The following GLI3 variants were observed in gnomAD, a reference collection of about 807,000 sequenced individuals.
GLI3 encodes transcription activator GLI3.
GLI3 carries 20 observed loss-of-function variants against 100.8 expected under a neutral mutation model. The ratio of observed to expected loss-of-function variants is 0.20; its 90% CI spans 0.14 to 0.29. The LOEUF (loss-of-function observed/expected upper bound fraction) is 0.29, where lower values mean the gene tolerates loss of function less well. GLI3 is among the 10% of genes least tolerant of loss of function. GLI3 has a pLI of 1.00. For missense variants in GLI3, 2,040 were observed against 2,128.5 expected (o/e 0.96, Z 0.82); for synonymous variants, 938 against 860.5 (o/e 1.09, Z -1.58).
intron 10 of GLI3, among the ~76,000 whole-genome samples, chr7:41,984,435 C>T (rs1787757265): frequency 6.6e-6 from 1 of 152,164 alleles, no homozygotes; most frequent in African/African-American, 2.4e-5. Context: ...CTCAGAAACA[C>T]AGTTCTCTGG....
chr7:42,020,226 G>A (rs1482487195), intron 10 of GLI3, among the ~76,000 whole-genome samples: 1 of 152,230 alleles, frequency 6.6e-6, no homozygotes, highest in Non-Finnish European at 1.5e-5. Flanking sequence ...AGTCAGCCAA[G>A]TTTCTAATTC....
chr7:42,047,850 T>C (rs1419655299), intron 5 of GLI3, among the ~76,000 whole-genome samples: 5 of 152,222 alleles, frequency 3.3e-5, no homozygotes, highest in Non-Finnish European at 2.9e-5. Flanking sequence ...TGGACCATGA[T>C]GTTTTCTAAG....
At chr7:42,203,406 A>C (rs1788085122) in intron 2 of GLI3, among the ~76,000 whole-genome samples, 1 of 152,060 alleles carries the variant, frequency 6.6e-6, no homozygotes, top group African/African-American at 2.4e-5. Flanking sequence ...CAAGTGCCCC[A>C]TCCTCTGGTT....
chr7:42,253,083 C>G (rs148797642), intron 1 of GLI3, among the ~76,000 whole-genome samples: 254 of 152,128 alleles, frequency 1.7e-3, no homozygotes, highest in African/African-American at 5.7e-3. Context: ...TAGCAGAAAC[C>G]ACGTGCAATT....
At chr7:42,087,150 G>A (rs1011778977) in intron 3 of GLI3, among the ~76,000 whole-genome samples, 3 of 152,194 alleles carry the variant, frequency 2.0e-5, no homozygotes, top group Non-Finnish European at 4.4e-5. Context: ...CTGAGGCCAC[G>A]CAATGACAGT....
At chr7:42,042,129 T>C (rs1241594768) in intron 6 of GLI3, among the ~76,000 whole-genome samples, 1 of 151,836 alleles carries the variant, frequency 6.6e-6, no homozygotes, top group Non-Finnish European at 1.5e-5. Context: ...TCTTCTGCCT[T>C]AGCCTCCCGA....
Position 42,261,360 on chromosome 7 carries a change from C to T in GLI3, c.-43+2634G>A, listed in dbSNP as rs551961099. On this transcript the variant is annotated intron_variant, in intron 1 of 2. Coordinates refer to the GLI3 transcript ENST00000678978. ...ACCCCCATAGATCAAATACCTCTCA[C>T]TAGGCCTCACCTCCAGCATGGGGAT... is the stretch of plus-strand genomic sequence containing the variant. 2.6e-5 allele frequency among the ~76,000 whole-genome samples: 4 copies of T among 152,256 alleles called. No individual in the cohort carries two copies. In the South Asian group the frequency reaches 6.2e-4, roughly 24 times the overall value.
In GLI3 at chr7:42,182,660, A is replaced by ATATATATATATATATACATGTGTGTGTG. The variant is rs1554337034; in HGVS notation, c.125-34193_125-34192insCACACACACATGTATATATATATATATA. 2.2e-3 allele frequency among the ~76,000 whole-genome samples: 132 copies of ATATATATATATATATACATGTGTGTGTG among 59,092 alleles called. 4 individuals are homozygous for ATATATATATATATATACATGTGTGTGTG. Among genetic ancestry groups the ATATATATATATATATACATGTGTGTGTG allele is most frequent in the African/African-American group, 4.1e-3 (42 of 10,300 alleles). The allele number at this position is 59,092 out of a possible 152,430, so 38.8% of individuals were successfully genotyped here. ...TATGTGTGTGTATATATATATATAT[A>ATATATATATATATATACATGTGTGTGTG]TATATATATATATATATATATACAC... On this transcript the variant is annotated intron_variant, in intron 2 of 14. Transcript: ENST00000395925.
chr7:42,049,623 C>A (rs1335248130), intron 4 of GLI3, among the ~76,000 whole-genome samples: 1 of 152,200 alleles, frequency 6.6e-6, no homozygotes, highest in Non-Finnish European at 1.5e-5. Flanking sequence ...ATATCCTGAT[C>A]TGCTTCTGGA....
intron 10 of GLI3, among the ~76,000 whole-genome samples, chr7:41,989,428 A>G (rs2128717329): frequency 6.6e-6 from 1 of 152,314 alleles, no homozygotes; most frequent in South Asian, 2.1e-4. Context: ...ACTGGCTCCT[A>G]GATGAGGAAA....
chr7:42,261,519 C>G (rs1180409037), intron 1 of GLI3, among the ~76,000 whole-genome samples: 1 of 152,178 alleles, frequency 6.6e-6, no homozygotes, highest in African/African-American at 2.4e-5. Flanking sequence ...TCAGGAATGA[C>G]AAACCAGAGT....
intron 3 of GLI3, among the ~76,000 whole-genome samples, chr7:42,138,186 A>T (rs1368072084): frequency 6.6e-6 from 1 of 152,184 alleles, no homozygotes; most frequent in East Asian, 1.9e-4. Flanking sequence ...ATGAAAATAA[A>T]TATCATGCAT....
intron 3 of GLI3, among the ~76,000 whole-genome samples, chr7:42,110,990 A>T (rs1583565977): frequency 6.6e-6 from 1 of 152,024 alleles, no homozygotes; most frequent in Non-Finnish European, 1.5e-5. Flanking sequence ...TTGAATCCCA[A>T]CTCTACCACT....
At chr7:42,085,471 TCTC>T (rs1562720938) in intron 3 of GLI3, among the ~76,000 whole-genome samples, 1 of 152,218 alleles carries the variant, frequency 6.6e-6, no homozygotes, top group Non-Finnish European at 1.5e-5. Flanking sequence ...TTATTATTAT[TCTC>T]CTAAGTCTTG....
At chr7:42,126,363 T>A (rs1454818365) in intron 3 of GLI3, among the ~76,000 whole-genome samples, 1 of 143,334 alleles carries the variant, frequency 7.0e-6, no homozygotes, top group Non-Finnish European at 1.5e-5. Context: ...TCATACTGAG[T>A]GAAATTGTAA....
chr7:42,175,984 G>T lies in GLI3; in HGVS notation c.125-27516C>A, dbSNP rs546422195. Among the ~76,000 whole-genome samples the T allele has an allele frequency of 5.3e-5, 8 of 152,106 alleles. No individual in the cohort carries two copies. In the South Asian group the frequency reaches 1.7e-3, roughly 32 times the overall value. On this transcript the variant is annotated intron_variant, in intron 2 of 14. Transcript: ENST00000395925. Reference sequence around the variant, plus strand: ...GGGTCTGTTGGATCCCACAGCCCACGCACATAACTCTGAACAGTACAGGGC... The same window carrying T: ...GGGTCTGTTGGATCCCACAGCCCACTCACATAACTCTGAACAGTACAGGGC...
chr7:42,246,295 A>G (rs1258912834), intron 1 of GLI3, among the ~76,000 whole-genome samples: 4 of 152,192 alleles, frequency 2.6e-5, no homozygotes, highest in African/African-American at 9.7e-5. Flanking sequence ...TCATGCTGCC[A>G]GGCCCAGATA....
At chr7:42,131,991 C>G (rs893660994) in intron 3 of GLI3, among the ~76,000 whole-genome samples, 4 of 152,114 alleles carry the variant, frequency 2.6e-5, no homozygotes, top group Non-Finnish European at 5.9e-5. Flanking sequence ...AAAACAAAAA[C>G]AGTGACAAGT....
chr7:42,170,146 G>A (rs1787335163), intron 2 of GLI3, among the ~76,000 whole-genome samples: 1 of 150,722 alleles, frequency 6.6e-6, no homozygotes, highest in Non-Finnish European at 1.5e-5. Flanking sequence ...CAGCTACTCA[G>A]GAGGCTGAGG....
Sources: gnomAD v4.1 joint callset for allele counts (sites outside exome capture counted in the v4.1 genomes callset) on GRCh38, gnomAD v4.1.1 for gene constraint, MANE v1.5 for transcripts, NCBI Gene and HGNC (gene_info 2026-07-23, HGNC 2026-07-21) for gene names.